GALNT17: variants seen among roughly 807,000 people sequenced by gnomAD.
The protein encoded by GALNT17 is polypeptide N-acetylgalactosaminyltransferase 17, also known as UDP-GalNAc:polypeptide N-acetylgalactosaminyltransferase-like 3.
Under a neutral mutation model 63.7 loss-of-function variants are expected in GALNT17, and 29 were observed. The observed-to-expected ratio is 0.46, with a 90% CI of 0.34 to 0.62. GALNT17 has a LOEUF of 0.62. Among genes scored for constraint, GALNT17 ranks in the 20% least tolerant of loss-of-function variants. GALNT17 has a pLI of 0.01. For synonymous variants in GALNT17, 305 were observed against 318.3 expected (o/e 0.96, Z 0.45); for missense variants, 603 against 799.6 (o/e 0.75, Z 2.97).
chr7:71,210,157 A>G (rs918235268), intron 1 of GALNT17, among the ~76,000 whole-genome samples: 6 of 152,078 alleles, frequency 3.9e-5, no homozygotes, highest in African/African-American at 1.2e-4. Flanking sequence ...TCCTGACCTT[A>G]GGTGATCCAC....
chr7:71,706,258 C>T (rs941908986), intron 9 of GALNT17, among the ~76,000 whole-genome samples: 4 of 152,184 alleles, frequency 2.6e-5, no homozygotes, highest in African/African-American at 9.7e-5. Flanking sequence ...CCCTCCTCAC[C>T]TGCCCCAGCC....
intron 1 of GALNT17, among the ~76,000 whole-genome samples, chr7:71,224,748 A>G (rs1019389121): frequency 6.6e-6 from 1 of 152,126 alleles, no homozygotes; most frequent in Non-Finnish European, 1.5e-5. Flanking sequence ...CTGGATCACT[A>G]TGAGCTGAGG....
At chr7:71,470,314 C>T (rs780060050) in intron 5 of GALNT17, among the ~76,000 whole-genome samples, 4 of 152,074 alleles carry the variant, frequency 2.6e-5, no homozygotes, top group Admixed American at 6.6e-5. Flanking sequence ...GTCTTAAATA[C>T]ATATTTAAGT....
At chr7:71,477,974 A>C (rs1390615261) in intron 5 of GALNT17, among the ~76,000 whole-genome samples, 4 of 152,326 alleles carry the variant, frequency 2.6e-5, no homozygotes, top group Admixed American at 1.3e-4. Flanking sequence ...TTTGTTAAGA[A>C]TCTTATTGAT....
At position 71,462,791 on chromosome 7, in the gene GALNT17, G is replaced by T. The variant is rs547388048; in HGVS notation, c.962+41686G>T. 2.0e-5 allele frequency among the ~76,000 whole-genome samples: 3 copies of T among 152,314 alleles called. No homozygotes were observed. In the East Asian group the frequency reaches 5.8e-4, roughly 29 times the overall value. On this transcript the variant is annotated intron_variant, in intron 5 of 10. Coordinates refer to ENST00000333538, the MANE Select transcript of GALNT17 (RefSeq NM_022479.3). ...ATCAGATATGCATCTATCTCAGTGA[G>T]CAGAGAGATAACTTTGAATAGAATG...
At chr7:71,246,947 G>T (rs1457584156) in intron 1 of GALNT17, among the ~76,000 whole-genome samples, 3 of 143,970 alleles carry the variant, frequency 2.1e-5, no homozygotes, top group Non-Finnish European at 1.5e-5. Flanking sequence ...GACTTTTTGG[G>T]GGGAGGGGGG....
chr7:71,313,573 T>G (rs1791447503), intron 1 of GALNT17, among the ~76,000 whole-genome samples: 1 of 152,306 alleles, frequency 6.6e-6, no homozygotes. Flanking sequence ...AAAGAAGCTC[T>G]GTGAAAAAAA....
rs953010945 is a variant in GALNT17 at position 71,483,723 on chromosome 7, T to G, written c.962+62618T>G. On this transcript the variant is annotated intron_variant, in intron 5 of 10. Coordinates refer to ENST00000333538, the MANE Select transcript of GALNT17 (RefSeq NM_022479.3). Reference sequence around the variant, plus strand: ...CAGTGACAAATTAACCTTTGCTTACTGTAACTTTGTAACTTTATAAAGGTT... The same window carrying G: ...CAGTGACAAATTAACCTTTGCTTACGGTAACTTTGTAACTTTATAAAGGTT... Among the ~76,000 whole-genome samples the G allele has an allele frequency of 1.1e-4, 16 of 152,274 alleles. 3 individuals carry two copies. The highest frequency in any genetic ancestry group is 7.8e-4 in the Admixed American group (12 of 15,292).
At chr7:71,505,148 T>C (rs973821633) in intron 5 of GALNT17, among the ~76,000 whole-genome samples, 1 of 152,162 alleles carries the variant, frequency 6.6e-6, no homozygotes, top group Non-Finnish European at 1.5e-5. Flanking sequence ...TATCCCCAAT[T>C]TGAACAGTTT....
chr7:71,491,833 G>A (rs954851026), intron 5 of GALNT17, among the ~76,000 whole-genome samples: 9 of 152,250 alleles, frequency 5.9e-5, no homozygotes, highest in East Asian at 1.9e-4. Flanking sequence ...ACTGTCCTAC[G>A]GAAATTCATG....
At chr7:71,428,614 T>G (rs2116478765) in intron 5 of GALNT17, among the ~76,000 whole-genome samples, 1 of 152,242 alleles carries the variant, frequency 6.6e-6, no homozygotes, top group South Asian at 2.1e-4. Context: ...AATTTTTGTA[T>G]TTTTAGTAGA....
intron 1 of GALNT17, among the ~76,000 whole-genome samples, chr7:71,151,632 A>AT (rs1788134804): frequency 7.6e-6 from 1 of 131,620 alleles, no homozygotes; most frequent in Non-Finnish European, 1.7e-5. Flanking sequence ...AAAAAAGAAA[A>AT]GAAAAAAAAA....
chr7:71,563,593 T>C (rs577425408), intron 5 of GALNT17, among the ~76,000 whole-genome samples: 2 of 152,244 alleles, frequency 1.3e-5, no homozygotes, highest in African/African-American at 2.4e-5. Flanking sequence ...TTTTTTTCTT[T>C]TTAAATTTGT....
chr7:71,273,954 G>C (rs1400304105), intron 1 of GALNT17, among the ~76,000 whole-genome samples: 1 of 152,096 alleles, frequency 6.6e-6, no homozygotes, highest in Non-Finnish European at 1.5e-5. Context: ...CTCATTTCAG[G>C]GATGTGCACC....
intron 5 of GALNT17, among the ~76,000 whole-genome samples, chr7:71,552,351 A>C (rs1178586389): frequency 6.6e-6 from 1 of 151,240 alleles, no homozygotes; most frequent in Non-Finnish European, 1.5e-5. Flanking sequence ...GGCATATAGC[A>C]CTTGTTATAT....
chr7:71,306,485 T>A, intron 1 of GALNT17, among the ~76,000 whole-genome samples: 1 of 152,092 alleles, frequency 6.6e-6, no homozygotes, highest in Non-Finnish European at 1.5e-5. Context: ...AATCATACAG[T>A]AATTGTCCTT....
At chr7:71,488,643 G>A (rs1371247920) in intron 5 of GALNT17, among the ~76,000 whole-genome samples, 2 of 148,598 alleles carry the variant, frequency 1.3e-5, no homozygotes, top group Non-Finnish European at 3.0e-5. Context: ...GCAGTGGCAG[G>A]ATCTTGGCTC....
chr7:71,484,480 T>C (rs1389752454), intron 5 of GALNT17, among the ~76,000 whole-genome samples: 1 of 152,116 alleles, frequency 6.6e-6, no homozygotes, highest in Non-Finnish European at 1.5e-5. Context: ...AGAGTGAGAC[T>C]CTGCCTCAAA....
At chr7:71,323,672 GC>G (rs1563002801) in intron 1 of GALNT17, among the ~76,000 whole-genome samples, 1 of 152,116 alleles carries the variant, frequency 6.6e-6, no homozygotes, top group Non-Finnish European at 1.5e-5. Flanking sequence ...ATGAAACGGC[GC>G]TTACCCATTT....
Sources: allele counts gnomAD v4.1 joint callset (sites outside exome capture counted in the v4.1 genomes callset), GRCh38; gene constraint gnomAD v4.1.1; transcripts MANE v1.5; gene names NCBI Gene and HGNC (gene_info 2026-07-23, HGNC 2026-07-21).